The following PCDHA7 variants were observed in gnomAD, a reference collection of about 807,000 sequenced individuals.
The protein encoded by PCDHA7 is protocadherin alpha 7, also known as protocadherin alpha-7.
PCDHA7 carries 37 observed loss-of-function variants against 57.2 expected under a neutral mutation model. The observed-to-expected ratio is 0.65, with a 90% CI of 0.50 to 0.85. PCDHA7 has a LOEUF of 0.85. PCDHA7 is among the 40% of genes least tolerant of loss of function. The pLI is 0.00. For missense variants in PCDHA7, 1,188 were observed against 1,241.8 expected (o/e 0.96, Z 0.65); for synonymous variants, 553 against 558.8 (o/e 0.99, Z 0.15).
chr5:140,844,871 C>A (rs1779583904), intron 1 of PCDHA7, among the ~76,000 whole-genome samples: 2 of 149,246 alleles, frequency 1.3e-5, no homozygotes, highest in African/African-American at 4.9e-5. Context: ...ATATTAAATA[C>A]CCATTAGACT....
chr5:140,966,934 G>C (rs782780798), intron 1 of PCDHA7: 3 of 1,604,080 alleles, frequency 1.9e-6, no homozygotes, highest in Non-Finnish European at 2.5e-6. Flanking sequence ...CACCCGGCGC[G>C]CTCGTGGGCA....
intron 1 of PCDHA7, chr5:140,853,295 G>T: frequency 1.0e-6 from 1 of 982,026 alleles, no homozygotes. Flanking sequence ...ATTCTCAGAA[G>T]GGCTGTGAAC....
chr5:140,839,339 G>C (rs2085813499), intron 1 of PCDHA7, among the ~76,000 whole-genome samples: 1 of 150,974 alleles, frequency 6.6e-6, no homozygotes, highest in Non-Finnish European at 1.5e-5. Context: ...GAAGTTGATA[G>C]GGGATCCTCC....
At chr5:141,002,468 C>G (rs369108082) in intron 3 of PCDHA7, among the ~76,000 whole-genome samples, 2 of 152,334 alleles carry the variant, frequency 1.3e-5, no homozygotes, top group Middle Eastern at 3.4e-3. Flanking sequence ...AACGCTTTAG[C>G]ATTTTCAAAG....
chr5:140,916,028 C>T (rs1554197245), intron 1 of PCDHA7, among the ~76,000 whole-genome samples: 1 of 152,152 alleles, frequency 6.6e-6, no homozygotes, highest in African/African-American at 2.4e-5. Flanking sequence ...TCCCATTCTT[C>T]CCTCCCCTTT....
intron 3 of PCDHA7, among the ~76,000 whole-genome samples, chr5:140,989,227 C>T (rs933142074): frequency 2.6e-5 from 4 of 152,162 alleles, no homozygotes; most frequent in African/African-American, 9.7e-5. Flanking sequence ...TTCTTTGTAG[C>T]TGAAGTTTTA....
chr5:140,877,581 C>G (rs904001764), intron 1 of PCDHA7: 1 of 1,613,842 alleles, frequency 6.2e-7, no homozygotes, highest in Admixed American at 1.7e-5. Context: ...TCATCATCGC[C>G]ATCTGTGCGG....
intron 1 of PCDHA7, chr5:140,843,568 A>G: frequency 6.3e-7 from 1 of 1,595,946 alleles, no homozygotes; most frequent in Non-Finnish European, 8.6e-7. Context: ...GGAGCTGGTC[A>G]TACTCGCAAC....
intron 1 of PCDHA7, among the ~76,000 whole-genome samples, chr5:140,943,825 T>C (rs1421631991): frequency 6.6e-6 from 1 of 152,128 alleles, no homozygotes; most frequent in East Asian, 1.9e-4. Context: ...GAAAATGAGT[T>C]GATTGAAGTT....
rs183950754 is a variant in PCDHA7, at chr5:140,960,187, T to G, written c.2356-18762T>G. On this transcript the variant is annotated intron_variant, in intron 1 of 3. Coordinates refer to ENST00000525929, the MANE Select transcript of PCDHA7 (RefSeq NM_018910.3). ...CAATTCTTAAGTTAGGGGTTGCATG[T>G]GTAGTGGTCAGATGTTATTTCAGGA... 3.5e-3 allele frequency among the ~76,000 whole-genome samples: 529 copies of G among 152,196 alleles called. 22 individuals are homozygous for G. Among genetic ancestry groups the G allele is most frequent in the Admixed American group, 0.032 (493 of 15,274 alleles).
intron 1 of PCDHA7, chr5:140,865,634 A>G (rs2048944722): frequency 6.6e-6 from 1 of 152,218 alleles, no homozygotes; most frequent in Non-Finnish European, 1.5e-5. Context: ...TCATGAAGGG[A>G]CTTAAATACA....
chr5:140,873,776 T>C (rs1001856431), intron 1 of PCDHA7, among the ~76,000 whole-genome samples: 13 of 152,208 alleles, frequency 8.5e-5, no homozygotes, highest in Non-Finnish European at 1.9e-4. Context: ...TTCTCCTGCC[T>C]CAGCTTTCCG....
At chr5:140,925,833 CG>C (rs2082756406) in intron 1 of PCDHA7, among the ~76,000 whole-genome samples, 1 of 152,070 alleles carries the variant, frequency 6.6e-6, no homozygotes, top group Admixed American at 6.5e-5. Flanking sequence ...GGGGACGGGT[CG>C]TCAAGTCTTT....
In PCDHA7 at chr5:140,971,961, T is replaced by C. The variant is rs1412814726; in HGVS notation, c.2356-6988T>C. ...TGTATCCATCTGACTCCAAAAACTT[T>C]TTTTCAATACTATGAGTAGACAGAA... On this transcript the variant is annotated intron_variant, in intron 1 of 3. Transcript: ENST00000525929. 2.0e-5 allele frequency among the ~76,000 whole-genome samples: 3 copies of C among 152,144 alleles called. No homozygotes were observed. The East Asian group carries it at 5.8e-4, about 29-fold the overall frequency.
rs70988781 is a variant in PCDHA7 at position 140,941,319 on chromosome 5, CTT to C, written c.2356-37616_2356-37615del. Among the ~76,000 whole-genome samples, 109 of 104,374 alleles carry C rather than the reference CTT, an allele frequency of 1.0e-3. 2 individuals are homozygous for C. Among genetic ancestry groups the C allele is most frequent in the East Asian group, 2.8e-3 (11 of 3,932 alleles). The allele number at this position is 104,374 out of a possible 152,430, so 68.5% of individuals were successfully genotyped here. A position where few individuals can be genotyped will look rare whatever the true frequency, so the allele number is the denominator to read the frequency against. ...TTCTTTCTTTCTTTTTCTTCTTTCT[CTT>C]TTTTTTTTTTTTTCAGATGGAGTCT... On this transcript the variant is annotated intron_variant, in intron 1 of 3. Coordinates refer to ENST00000525929, the MANE Select transcript of PCDHA7 (RefSeq NM_018910.3).
intron 1 of PCDHA7, chr5:140,851,957 G>A: frequency 1.0e-6 from 1 of 975,112 alleles, no homozygotes; most frequent in Non-Finnish European, 1.2e-6. Flanking sequence ...TCAAAATGGT[G>A]GTTTTCCACA....
At chr5:140,975,940 G>A (rs562983011) in intron 1 of PCDHA7, among the ~76,000 whole-genome samples, 1 of 152,216 alleles carries the variant, frequency 6.6e-6, no homozygotes, top group Admixed American at 6.5e-5. Flanking sequence ...TGAAGCAATA[G>A]GACATATTAG....
intron 1 of PCDHA7, chr5:140,871,023 C>T: frequency 6.2e-7 from 1 of 1,613,268 alleles, no homozygotes; most frequent in Non-Finnish European, 8.5e-7. Context: ...ACGAGGCAGA[C>T]TCGCCGCGCC....
intron 1 of PCDHA7, among the ~76,000 whole-genome samples, chr5:140,880,485 G>T (rs957327401): frequency 6.6e-6 from 1 of 152,190 alleles, no homozygotes; most frequent in Non-Finnish European, 1.5e-5. Flanking sequence ...GACACAAGAA[G>T]AGAGCAATTG....
Sources: allele counts gnomAD v4.1 joint callset (sites outside exome capture counted in the v4.1 genomes callset), GRCh38; gene constraint gnomAD v4.1.1; transcripts MANE v1.5; gene names NCBI Gene and HGNC (gene_info 2026-07-23, HGNC 2026-07-21).